KCNN2: variants seen among roughly 807,000 people sequenced by gnomAD.
KCNN2 encodes potassium calcium-activated channel subfamily N member 2, also known as small conductance calcium-activated potassium channel protein 2.
In KCNN2, 24 loss-of-function variants were observed where a neutral mutation model predicts 55.5. The ratio of observed to expected loss-of-function variants is 0.43; its 90% confidence interval spans 0.31 to 0.61. The LOEUF (loss-of-function observed/expected upper bound fraction) is 0.61, where lower values mean the gene tolerates loss of function less well. KCNN2 is among the 20% of genes least tolerant of loss of function. The pLI, the probability that KCNN2 is intolerant of heterozygous loss-of-function variation, is 0.08. For synonymous variants in KCNN2, 431 were observed against 336.1 expected, an observed-to-expected ratio of 1.28 and a Z score of -3.09; for missense variants, 754 against 853.6, an observed-to-expected ratio of 0.88 and a Z score of 1.45.
chr5:114,109,844 C>T (rs1250614099), intron 1 of KCNN2, among the ~76,000 whole-genome samples: 2 of 152,050 alleles, frequency 1.3e-5, no homozygotes, highest in Non-Finnish European at 2.9e-5. Flanking sequence ...TGGTAGTGTT[C>T]CAGTTCCTGG....
At chr5:114,129,667 CAG>C (rs989269263) in intron 1 of KCNN2, among the ~76,000 whole-genome samples, 9 of 152,288 alleles carry the variant, frequency 5.9e-5, no homozygotes, top group Admixed American at 5.9e-4. Context: ...CAAGGAAAGA[CAG>C]AGGTGACGAA....
At chr5:114,364,241 T>A (rs1757537052) in intron 2 of KCNN2, among the ~76,000 whole-genome samples, 1 of 152,332 alleles carries the variant, frequency 6.6e-6, no homozygotes, top group East Asian at 1.9e-4. Flanking sequence ...CCCTTAAGAT[T>A]TTTACTTCTC....
At chr5:114,212,353 G>A (rs891731208) in intron 1 of KCNN2, among the ~76,000 whole-genome samples, 1 of 151,996 alleles carries the variant, frequency 6.6e-6, no homozygotes, top group African/African-American at 2.4e-5. Flanking sequence ...CAAATCTATA[G>A]AGATAAAGTA....
chr5:114,315,785 G>C (rs1399382803), intron 2 of KCNN2, among the ~76,000 whole-genome samples: 1 of 152,116 alleles, frequency 6.6e-6, no homozygotes, highest in Non-Finnish European at 1.5e-5. Flanking sequence ...CAAGAAATAT[G>C]TAATAGAAAC....
At chr5:114,125,594 G>C (rs1358800096) in intron 1 of KCNN2, among the ~76,000 whole-genome samples, 1 of 152,110 alleles carries the variant, frequency 6.6e-6, no homozygotes, top group African/African-American at 2.4e-5. Flanking sequence ...GGCGTCCACA[G>C]GGTCATACAC....
chr5:114,345,634 T>C (rs953332728), intron 2 of KCNN2, among the ~76,000 whole-genome samples: 1 of 152,200 alleles, frequency 6.6e-6, no homozygotes, highest in African/African-American at 2.4e-5. Context: ...TTATGATGTG[T>C]GTTAGTCTGT....
intron 2 of KCNN2, among the ~76,000 whole-genome samples, chr5:114,265,369 A>T (rs914881074): frequency 6.7e-6 from 1 of 150,038 alleles, no homozygotes; most frequent in African/African-American, 2.5e-5. Flanking sequence ...GTGTGTGCAT[A>T]AAGAGATTTA....
At chr5:114,065,729 T>G (rs1251473396) in intron 1 of KCNN2, among the ~76,000 whole-genome samples, 1 of 152,140 alleles carries the variant, frequency 6.6e-6, no homozygotes, top group African/African-American at 2.4e-5. Context: ...ATTTTACTAT[T>G]TTACAGAGCC....
intron 1 of KCNN2, among the ~76,000 whole-genome samples, chr5:114,068,996 G>A (rs1002541300): frequency 7.9e-5 from 12 of 152,122 alleles, no homozygotes; most frequent in African/African-American, 2.2e-4. Context: ...TGTATTTTTA[G>A]TAGAGACGGG....
chr5:114,457,360 G>A (rs1393672590), intron 3 of KCNN2, among the ~76,000 whole-genome samples: 1 of 152,102 alleles, frequency 6.6e-6, no homozygotes. Flanking sequence ...TCATGCTATA[G>A]CACACTTAAT....
chr5:114,202,680 G>A (rs1324214948), intron 1 of KCNN2, among the ~76,000 whole-genome samples: 1 of 147,662 alleles, frequency 6.8e-6, no homozygotes, highest in Non-Finnish European at 1.5e-5. Flanking sequence ...TCCTCCTCCC[G>A]GGTTCACGCC....
intron 3 of KCNN2, among the ~76,000 whole-genome samples, chr5:114,428,272 T>C (rs1182996419): frequency 2.0e-5 from 3 of 152,158 alleles, no homozygotes; most frequent in Non-Finnish European, 4.4e-5. Context: ...ATGTATGTGT[T>C]TTAATAACAA....
chr5:114,396,673 C>T (rs541845628), intron 2 of KCNN2, among the ~76,000 whole-genome samples: 33 of 151,872 alleles, frequency 2.2e-4, no homozygotes, highest in African/African-American at 5.8e-4. Context: ...CTCAGCCTCC[C>T]GAGTAGCTGG....
At chr5:114,381,742 A>G (rs1349706338) in intron 2 of KCNN2, among the ~76,000 whole-genome samples, 1 of 152,092 alleles carries the variant, frequency 6.6e-6, no homozygotes, top group Non-Finnish European at 1.5e-5. Context: ...TGCGTTTGTT[A>G]CTGGTTTTTA....
At chr5:114,177,275 C>CT (rs1753153102) in intron 1 of KCNN2, among the ~76,000 whole-genome samples, 1 of 151,866 alleles carries the variant, frequency 6.6e-6, no homozygotes. Flanking sequence ...GTAGCTGGGA[C>CT]TACAGGAGCC....
intron 1 of KCNN2, among the ~76,000 whole-genome samples, chr5:114,199,048 T>A (rs1468195500): frequency 2.0e-5 from 3 of 152,146 alleles, no homozygotes; most frequent in African/African-American, 7.2e-5. Flanking sequence ...CTATTATTAT[T>A]GTATTGCTGT....
intron 1 of KCNN2, among the ~76,000 whole-genome samples, chr5:114,119,835 G>A (rs1014199702): frequency 5.9e-5 from 9 of 152,162 alleles, no homozygotes; most frequent in South Asian, 2.1e-4. Context: ...GACTATCTGC[G>A]TGGCTATGCT....
intron 1 of KCNN2, among the ~76,000 whole-genome samples, chr5:114,140,225 A>G (rs1052918533): frequency 2.6e-5 from 4 of 152,214 alleles, no homozygotes; most frequent in African/African-American, 9.6e-5. Flanking sequence ...AATTGTGAAG[A>G]GATCTTGATA....
intron 3 of KCNN2, among the ~76,000 whole-genome samples, chr5:114,445,318 T>C (rs1489104268): frequency 1.3e-5 from 2 of 152,096 alleles, no homozygotes; most frequent in African/African-American, 4.8e-5. Flanking sequence ...CTCCGTTTAC[T>C]AAGAAAAAAG....
Sources: gnomAD v4.1 joint callset for allele counts (sites outside exome capture counted in the v4.1 genomes callset) on GRCh38, gnomAD v4.1.1 for gene constraint, MANE v1.5 for transcripts, NCBI Gene and HGNC (gene_info 2026-07-23, HGNC 2026-07-21) for gene names.